Variants in MAP2 observed in about 807,000 individuals in gnomAD.
MAP2 encodes microtubule associated protein 2, also known as microtubule-associated protein 2.
In MAP2, 14 loss-of-function variants were observed where a neutral mutation model predicts 137.6. That is an observed-to-expected ratio of 0.10 (90% CI 0.07 to 0.16). The LOEUF is 0.16. MAP2 is among the 10% of genes least tolerant of loss of function. MAP2 has a pLI of 1.00. For synonymous variants in MAP2, 786 were observed against 782.3 expected, an observed-to-expected ratio of 1.00 and a Z score of -0.08; for missense variants, 2,088 against 2,191.5, an observed-to-expected ratio of 0.95 and a Z score of 0.94.
chr2:209,430,864 T>C lies in MAP2; in HGVS notation c.-222+6588T>C, dbSNP rs532589271. Among the ~76,000 whole-genome samples the C allele has an allele frequency of 4.6e-5, 7 of 152,284 alleles. No individual in the cohort carries two copies. In the East Asian group the frequency reaches 1.3e-3, roughly 29 times the overall value. Reference sequence around the variant, plus strand: ...CTAAGCATCTACTGAAACCTGAATCTCTTATAAAACAACCAAGTGACTATG... The same window carrying C: ...CTAAGCATCTACTGAAACCTGAATCCCTTATAAAACAACCAAGTGACTATG... On this transcript the variant is annotated intron_variant, in intron 1 of 15. Coordinates refer to ENST00000682079, the MANE Select transcript of MAP2 (RefSeq NM_001375505.1).
chr2:209,458,982 T>A (rs1166273806), intron 1 of MAP2, among the ~76,000 whole-genome samples: 1 of 152,206 alleles, frequency 6.6e-6, no homozygotes, highest in African/African-American at 2.4e-5. Flanking sequence ...GGTAATGTTA[T>A]CTGACAAATA....
In MAP2 at chr2:209,666,806, A is replaced by AT. The variant is rs915884956; in HGVS notation, c.263-11758dup. ...GAATTACTAGATAAGTTTGAATTTAATTTTTTTTGATGTGAAGAAAAAAAC... is the reference window on the plus strand; with the variant it reads ...GAATTACTAGATAAGTTTGAATTTAATTTTTTTTTGATGTGAAGAAAAAAAC... On this transcript the variant is annotated intron_variant, in intron 5 of 15. Coordinates refer to ENST00000682079, the MANE Select transcript of MAP2 (RefSeq NM_001375505.1). 4.6e-5 allele frequency among the ~76,000 whole-genome samples: 7 copies of AT among 151,734 alleles called. No homozygotes were observed. In the South Asian group the frequency reaches 1.3e-3, roughly 27 times the overall value.
At chr2:209,428,381 CT>C (rs58943929) in intron 1 of MAP2, among the ~76,000 whole-genome samples, 8,890 of 130,876 alleles carry the variant, frequency 0.068, 289 homozygotes, top group East Asian at 0.21. Flanking sequence ...GGGCAAATTT[CT>C]TTTTTTTTTT....
intron 2 of MAP2, among the ~76,000 whole-genome samples, chr2:209,575,518 CAAAAAAAAAAAAAAA>C (rs71043942): frequency 3.5e-5 from 1 of 28,374 alleles, no homozygotes; most frequent in Non-Finnish European, 9.0e-5. Context: ...GACTCCATCT[CAAAAAAAAAAAAAAA>C]AAAAAAAAAA....
At chr2:209,690,571 G>A (rs1189693571) in intron 7 of MAP2, 9 of 1,259,906 alleles carry the variant, frequency 7.1e-6, no homozygotes, top group Admixed American at 2.6e-5. Context: ...TTGTTCTGTG[G>A]TCATGATGTC....
At chr2:209,519,390 T>G (rs1009010427) in intron 2 of MAP2, among the ~76,000 whole-genome samples, 1 of 152,052 alleles carries the variant, frequency 6.6e-6, no homozygotes, top group Non-Finnish European at 1.5e-5. Flanking sequence ...GAAACAAATT[T>G]CTCATCCCTT....
intron 7 of MAP2, chr2:209,690,666 A>G: frequency 1.6e-6 from 2 of 1,289,752 alleles, no homozygotes; most frequent in Non-Finnish European, 2.0e-6. Context: ...CCTGAGAAAG[A>G]GTGTGGGGCT....
intron 1 of MAP2, among the ~76,000 whole-genome samples, chr2:209,454,168 A>T (rs903375777): frequency 6.8e-6 from 1 of 146,062 alleles, no homozygotes; most frequent in African/African-American, 2.7e-5. Context: ...AAAAAAAAAA[A>T]AAAAAAAAGT....
At chr2:209,566,647 T>C (rs558439562) in intron 2 of MAP2, among the ~76,000 whole-genome samples, 43 of 152,336 alleles carry the variant, frequency 2.8e-4, no homozygotes, top group African/African-American at 1.0e-3. Flanking sequence ...GTACAAATAG[T>C]GCTGAATCAG....
In MAP2 at chr2:209,446,664, AGCT is replaced by A. The variant is rs1227879098; in HGVS notation, c.-222+22390_-222+22392del. Among the ~76,000 whole-genome samples the A allele has an allele frequency of 4.6e-5, 7 of 152,044 alleles. No individual in the cohort carries two copies. In the East Asian group the frequency reaches 1.2e-3, roughly 25 times the overall value. On this transcript the variant is annotated intron_variant, in intron 1 of 15. Transcript: ENST00000682079. ...AATAGGTGGAGGGAAATGAGGTTCC[AGCT>A]GACTTTTCTCCCCACCCCATTTTGA... is the stretch of plus-strand genomic sequence containing the variant.
intron 2 of MAP2, among the ~76,000 whole-genome samples, chr2:209,573,298 G>GGTTGTTTTTTTTTTTTTTTT (rs770132978): frequency 8.3e-6 from 1 of 120,068 alleles, no homozygotes; most frequent in African/African-American, 3.3e-5. Context: ...TTCTTTTTCT[G>GGTTGTTTTTTTTTTTTTTTT]TTTTTTTTTT....
intron 13 of MAP2, among the ~76,000 whole-genome samples, chr2:209,719,719 A>G (rs2069401722): frequency 6.6e-6 from 1 of 152,224 alleles, no homozygotes; most frequent in Admixed American, 6.5e-5. Context: ...TCCAGAAAGA[A>G]ATTACAATAT....
chr2:209,680,760 A>G lies in MAP2; in HGVS notation c.387A>G (p.Glu129=), dbSNP rs1413778306. The G allele has an allele frequency of 1.2e-6, 2 of 1,613,516 alleles. No homozygotes were observed. The highest frequency in any genetic ancestry group is 2.2e-5 in the South Asian group (2 of 91,062). Residue 129 remains glutamate (E), a synonymous_variant, in exon 7 of 16, where the codon GAA becomes GAG. Coordinates refer to ENST00000682079, the MANE Select transcript of MAP2 (RefSeq NM_001375505.1). The stretch of plus-strand genomic sequence containing the variant: ...TTGTTTGATCTTTAGCAGCTGAAGA[A>G]ACAGCTAATCTGCCTCCTTCTCCAC... ...QTAALPLAAE[E]TANLPPSPPP... is the part of the protein sequence containing the mutation.
intron 2 of MAP2, among the ~76,000 whole-genome samples, chr2:209,564,673 T>C (rs913401046): frequency 5.3e-5 from 8 of 151,990 alleles, no homozygotes; most frequent in Non-Finnish European, 4.4e-5. Flanking sequence ...GGTTCTTATT[T>C]CATAACCTGT....
At chr2:209,438,234 G>A (rs1430823342) in intron 1 of MAP2, among the ~76,000 whole-genome samples, 1 of 151,596 alleles carries the variant, frequency 6.6e-6, no homozygotes, top group African/African-American at 2.4e-5. Context: ...AGATACTTAT[G>A]GAAACAGTCT....
chr2:209,695,641 A>G lies in MAP2; in HGVS notation c.3471A>G (p.Glu1157=), dbSNP rs1463862176. The change falls in exon 8 of 16, where the codon GAA becomes GAG. Residue 1157 remains glutamate, a synonymous_variant. Coordinates refer to ENST00000682079, the MANE Select transcript of MAP2 (RefSeq NM_001375505.1). The part of the protein sequence containing the change: ...ADEGKKETSP[E]SSLIQDEIAV... ...AGGGCAAGAAGGAAACATCTCCAGA[A>G]TCATCTCTAATTCAAGATGAGATTG... 1.9e-6 allele frequency: 3 copies of G among 1,613,986 alleles called. No homozygotes were observed. The highest frequency in any genetic ancestry group is 2.2e-5 in the East Asian group (1 of 44,880).
At chr2:209,428,381 CTT>C (rs58943929) in intron 1 of MAP2, among the ~76,000 whole-genome samples, 4,679 of 130,890 alleles carry the variant, frequency 0.036, 254 homozygotes, top group African/African-American at 0.12. Flanking sequence ...GGGCAAATTT[CTT>C]TTTTTTTTTT....
intron 3 of MAP2, among the ~76,000 whole-genome samples, chr2:209,602,373 C>T (rs760066774): frequency 6.6e-6 from 1 of 152,274 alleles, no homozygotes; most frequent in South Asian, 2.1e-4. Flanking sequence ...GGCTACCCAT[C>T]CAGTCATAAA....
chr2:209,558,316 G>A (rs1026834953), intron 2 of MAP2, among the ~76,000 whole-genome samples: 2 of 152,014 alleles, frequency 1.3e-5, no homozygotes, highest in African/African-American at 4.8e-5. Flanking sequence ...AGCCTCCCAA[G>A]TAGTTGGGAT....
Sources: allele counts gnomAD v4.1 joint callset (sites outside exome capture counted in the v4.1 genomes callset), GRCh38; gene constraint gnomAD v4.1.1; transcripts MANE v1.5; gene names NCBI Gene and HGNC (gene_info 2026-07-23, HGNC 2026-07-21).